The following SLC14A2 variants were observed in gnomAD, a reference collection of about 807,000 sequenced individuals.
SLC14A2 encodes solute carrier family 14 member 2.
Under a neutral mutation model 104.6 loss-of-function variants are expected in SLC14A2, and 91 were observed. That is an observed-to-expected ratio of 0.87 (90% CI 0.73 to 1.04). SLC14A2 has a LOEUF of 1.04. Ranked by LOEUF, SLC14A2 falls within the 50% of genes least tolerant of loss-of-function variation. SLC14A2 has a pLI of 0.00. For synonymous variants in SLC14A2, 476 were observed against 466.4 expected (o/e 1.02, Z -0.27); for missense variants, 1,189 against 1,156.0 (o/e 1.03, Z -0.41).
chr18:45,315,049 C>CA (rs890651449), intron 1 of SLC14A2, among the ~76,000 whole-genome samples: 13 of 152,114 alleles, frequency 8.5e-5, no homozygotes, highest in Admixed American at 6.5e-4. Flanking sequence ...GTTAAGCATA[C>CA]AAAAACAGAA....
At chr18:45,443,623 T>C (rs1222444295) in intron 1 of SLC14A2, among the ~76,000 whole-genome samples, 1 of 151,698 alleles carries the variant, frequency 6.6e-6, no homozygotes, top group South Asian at 2.1e-4. Context: ...TATGGCTGGA[T>C]TGGGGGAAAT....
At chr18:45,552,380 C>A (rs7226658) in intron 2 of SLC14A2, among the ~76,000 whole-genome samples, 1,722 of 152,020 alleles carry the variant, frequency 0.011, 20 homozygotes, top group Non-Finnish European at 0.013. Flanking sequence ...TTCTCTCCCC[C>A]ACCCCCTGCA....
chr18:45,657,646 CAAGAT>C (rs960103727), intron 10 of SLC14A2, among the ~76,000 whole-genome samples: 11 of 152,120 alleles, frequency 7.2e-5, no homozygotes, highest in Non-Finnish European at 5.9e-5. Context: ...TCTTAGACTA[CAAGAT>C]AAGAGAGAAG....
chr18:45,582,278 G>T (rs2044503758), intron 2 of SLC14A2, among the ~76,000 whole-genome samples: 1 of 152,170 alleles, frequency 6.6e-6, no homozygotes, highest in South Asian at 2.1e-4. Context: ...AGAAGGGATT[G>T]AGATGGCCTG....
intron 2 of SLC14A2, among the ~76,000 whole-genome samples, chr18:45,542,649 G>A (rs180687511): frequency 3.5e-4 from 54 of 152,288 alleles, no homozygotes; most frequent in Non-Finnish European, 5.7e-4. Flanking sequence ...GATCAGTGAA[G>A]TACTGTCTAG....
intron 2 of SLC14A2, among the ~76,000 whole-genome samples, chr18:45,547,092 A>T (rs1255827293): frequency 6.6e-6 from 1 of 152,152 alleles, no homozygotes; most frequent in Non-Finnish European, 1.5e-5. Context: ...GACGGTCCAG[A>T]GCTCCTTCAT....
At chr18:45,300,236 G>A (rs2084955105) in intron 1 of SLC14A2, among the ~76,000 whole-genome samples, 1 of 152,160 alleles carries the variant, frequency 6.6e-6, no homozygotes, top group Admixed American at 6.5e-5. Flanking sequence ...GCTCCTATGT[G>A]TTGTATGTTT....
the SLC14A2 span, among the ~76,000 whole-genome samples, chr18:45,205,822 T>A: frequency 6.6e-6 from 1 of 152,220 alleles, no homozygotes; most frequent in Non-Finnish European, 1.5e-5. Context: ...AGTGAGCATT[T>A]ACCCTATGTG....
At position 45,571,120 on chromosome 18, in the gene SLC14A2, A is replaced by G. The variant is rs2044339130; in HGVS notation, c.-34-53511A>G. ...TCCTGTGCCTTTGGGGCACTTCCTG[A>G]AGACTGATTAACTCCCCTTTAAGGA... On this transcript the variant is annotated intron_variant, in intron 2 of 20. Coordinates refer to the SLC14A2 transcript ENST00000586448. Among the ~76,000 whole-genome samples, 3 of 152,190 alleles carry G rather than the reference A, an allele frequency of 2.0e-5. No homozygotes were observed. In the South Asian group the frequency reaches 6.2e-4, roughly 32 times the overall value.
rs3745007 is a variant in SLC14A2, at chr18:45,682,567, C to A, written c.*48C>A. 663,847 of 1,493,388 alleles carry A rather than the reference C, an allele frequency of 0.44. 148,640 individuals are homozygous for A. The highest frequency in any genetic ancestry group is 0.49 in the South Asian group (43,534 of 88,450). The allele number at this position is 1,493,388 out of a possible 1,614,324, so 92.5% of individuals were successfully genotyped here. On this transcript the variant is annotated 3_prime_UTR_variant, in exon 20 of 20. Transcript: ENST00000255226. ...AGTGTAAATTCAGGCTTCAGCACGC[C>A]GTCCAGATCCCCAGGATAAGAGACC...
At chr18:45,385,933 C>T (rs1182909303) in intron 1 of SLC14A2, among the ~76,000 whole-genome samples, 1 of 152,184 alleles carries the variant, frequency 6.6e-6, no homozygotes, top group Non-Finnish European at 1.5e-5. Context: ...GAGCCCCCAC[C>T]ATGTCCCCAG....
At chr18:45,645,872 A>G (rs1423770581) in intron 10 of SLC14A2, among the ~76,000 whole-genome samples, 4 of 152,194 alleles carry the variant, frequency 2.6e-5, no homozygotes, top group Non-Finnish European at 5.9e-5. Context: ...TGATAGAGAC[A>G]GTCTACATAC....
intron 1 of SLC14A2, among the ~76,000 whole-genome samples, chr18:45,431,887 C>T (rs986004224): frequency 6.6e-6 from 1 of 152,180 alleles, no homozygotes; most frequent in East Asian, 1.9e-4. Flanking sequence ...AAGAAACAAA[C>T]TTCCCTGATT....
intron 1 of SLC14A2, among the ~76,000 whole-genome samples, chr18:45,282,834 T>TTTCTTCC (rs1555671894): frequency 6.6e-6 from 1 of 151,716 alleles, no homozygotes; most frequent in Non-Finnish European, 1.5e-5. Flanking sequence ...CCTCCCTTCC[T>TTTCTTCC]TTCTTTTCTT....
intron 1 of SLC14A2, among the ~76,000 whole-genome samples, chr18:45,467,642 C>A (rs2087169138): frequency 6.6e-6 from 1 of 152,166 alleles, no homozygotes; most frequent in Non-Finnish European, 1.5e-5. Context: ...ATATACACTA[C>A]TGGGATTGAG....
At chr18:45,221,621 C>T (rs1464477680) in intron 1 of SLC14A2, among the ~76,000 whole-genome samples, 1 of 152,070 alleles carries the variant, frequency 6.6e-6, no homozygotes, top group Non-Finnish European at 1.5e-5. Context: ...AAAGTGTGAC[C>T]CATACAGATA....
At chr18:45,242,917 G>A (rs2084332260) in intron 1 of SLC14A2, among the ~76,000 whole-genome samples, 2 of 152,182 alleles carry the variant, frequency 1.3e-5, no homozygotes, top group South Asian at 2.1e-4. Flanking sequence ...ATTGAGCTAA[G>A]TATTGAAATG....
chr18:45,391,357 G>T (rs1420614825), intron 1 of SLC14A2, among the ~76,000 whole-genome samples: 3 of 152,172 alleles, frequency 2.0e-5, no homozygotes, highest in Non-Finnish European at 4.4e-5. Context: ...CCAAGTCTTT[G>T]CTATTGTGAA....
At chr18:45,265,355 C>T (rs2084581275) in intron 1 of SLC14A2, among the ~76,000 whole-genome samples, 2 of 152,076 alleles carry the variant, frequency 1.3e-5, no homozygotes, top group African/African-American at 4.8e-5. Context: ...TAGAATGGCC[C>T]AACAATTAAA....
Sources: gnomAD v4.1 joint callset for allele counts (sites outside exome capture counted in the v4.1 genomes callset) on GRCh38, gnomAD v4.1.1 for gene constraint, MANE v1.5 for transcripts, NCBI Gene and HGNC (gene_info 2026-07-23, HGNC 2026-07-21) for gene names.